Variants in ZNF215 observed in about 807,000 individuals in gnomAD.
ZNF215 encodes the protein zinc finger protein 215, also known as BWSCR2-associated zinc finger protein 2.
A neutral mutation model predicts 27.2 loss-of-function variants in ZNF215; 24 were observed. That is an observed-to-expected ratio of 0.88 (90% CI 0.64 to 1.24). ZNF215 has a LOEUF of 1.24. ZNF215 is among the 50% of genes most tolerant of loss of function. ZNF215 has a pLI of 0.00. For synonymous variants in ZNF215, 210 were observed against 204.0 expected (o/e 1.03, Z -0.25); for missense variants, 675 against 605.7 (o/e 1.11, Z -1.20).
rs752732228 is a variant in ZNF215, at chr11:6,943,128, G to T, written c.529G>T (p.Glu177Ter). ...TGTGGTTGTGGAATTCAGCAAGGAA[G>T]AGTGGGGGCAACTGGACTCTGCTGT... ...KDVVVEFSKE[E>*]WGQLDSAVKN... Residue 177 changes from glutamate to a stop codon, truncating the protein, a stop_gained, in exon 5 of 7, where the codon GAG (glutamate) becomes TAG (stop). Coordinates refer to ENST00000278319, the MANE Select transcript of ZNF215 (RefSeq NM_013250.4). LOFTEE classifies it high-confidence loss of function. 2 of 1,614,054 alleles carry T rather than the reference G, an allele frequency of 1.2e-6. No homozygotes were observed. Among genetic ancestry groups the T allele is most frequent in the East Asian group, 4.5e-5 (2 of 44,880 alleles).
chr11:6,928,642 G>A (rs927363669), intron 2 of ZNF215, among the ~76,000 whole-genome samples: 1 of 152,082 alleles, frequency 6.6e-6, no homozygotes, highest in Non-Finnish European at 1.5e-5. Flanking sequence ...TACATTTATT[G>A]TTGCAATTAA....
At position 6,980,156 on chromosome 11, in the gene ZNF215, T is replaced by TATGC. The variant is rs1276916299; in HGVS notation, c.806-3972_806-3969dup. On this transcript the variant is annotated intron_variant, in intron 5 of 5. Transcript: ENST00000529903. Reference sequence around the variant, plus strand: ...TAACAAATCCCAGAAGCTATGTATGTATGCCTTTTGTGTTTGTTAAAATTA... The same window carrying TATGC: ...TAACAAATCCCAGAAGCTATGTATGTATGCATGCCTTTTGTGTTTGTTAAAATTA... Among the ~76,000 whole-genome samples the TATGC allele has an allele frequency of 3.3e-5, 5 of 152,120 alleles. No individual in the cohort carries two copies. The East Asian group carries it at 9.6e-4, about 29-fold the overall frequency.
intron 5 of ZNF215, among the ~76,000 whole-genome samples, chr11:6,975,956 A>G (rs980445015): frequency 6.6e-6 from 1 of 152,134 alleles, no homozygotes; most frequent in African/African-American, 2.4e-5. Context: ...ACTAATTTAC[A>G]TTCCCATCAA....
At chr11:6,939,191 G>A (rs1192345726) in intron 3 of ZNF215, among the ~76,000 whole-genome samples, 1 of 152,192 alleles carries the variant, frequency 6.6e-6, no homozygotes, top group Non-Finnish European at 1.5e-5. Context: ...AGATAAGAAA[G>A]TCAAAGGTCT....
intron 6 of ZNF215, among the ~76,000 whole-genome samples, chr11:6,949,068 G>C (rs1301500335): frequency 6.6e-6 from 1 of 150,874 alleles, no homozygotes; most frequent in East Asian, 1.9e-4. Context: ...TCCCTACAAA[G>C]GACATGAACT....
At chr11:6,938,819 T>C (rs1049740740) in intron 3 of ZNF215, among the ~76,000 whole-genome samples, 1 of 152,172 alleles carries the variant, frequency 6.6e-6, no homozygotes, top group African/African-American at 2.4e-5. Flanking sequence ...GTGGTGATCA[T>C]TGTACAACAT....
intron 2 of ZNF215, among the ~76,000 whole-genome samples, chr11:6,929,330 A>G (rs1849172771): frequency 1.3e-5 from 2 of 152,246 alleles, no homozygotes; most frequent in African/African-American, 4.8e-5. Flanking sequence ...TATTAGTAAC[A>G]TTTTGTATTA....
chr11:6,962,187 G>A (rs781533582), downstream of ZNF215, among the ~76,000 whole-genome samples: 2 of 152,154 alleles, frequency 1.3e-5, no homozygotes, highest in Non-Finnish European at 2.9e-5. Flanking sequence ...CCTTAGGCCT[G>A]AAAAGGCAAG....
At chr11:6,963,526 C>CA (rs1850559248) in intron 5 of ZNF215, among the ~76,000 whole-genome samples, 1 of 151,932 alleles carries the variant, frequency 6.6e-6, no homozygotes, top group South Asian at 2.1e-4. Flanking sequence ...AGGAATAACT[C>CA]ATTCATTCAC....
At chr11:6,982,489 T>C (rs936358051) in intron 5 of ZNF215, among the ~76,000 whole-genome samples, 2 of 152,082 alleles carry the variant, frequency 1.3e-5, no homozygotes, top group Non-Finnish European at 2.9e-5. Context: ...TATTCCAAAA[T>C]TGACCACATA....
At chr11:6,980,043 A>G (rs1281184529) in intron 5 of ZNF215, among the ~76,000 whole-genome samples, 5 of 152,130 alleles carry the variant, frequency 3.3e-5, no homozygotes, top group Non-Finnish European at 4.4e-5. Flanking sequence ...TTTAAACGCT[A>G]AAAATGAGGT....
chr11:6,966,275 C>T (rs1369724715), intron 5 of ZNF215, among the ~76,000 whole-genome samples: 1 of 151,972 alleles, frequency 6.6e-6, no homozygotes, highest in Non-Finnish European at 1.5e-5. Flanking sequence ...CCAAATACCG[C>T]ATGAGTACAC....
chr11:6,984,112 A>T (rs1851014766), intron 5 of ZNF215: 63 of 362,760 alleles, frequency 1.7e-4, no homozygotes, highest in South Asian at 2.8e-4. Context: ...TGTCCCTTAA[A>T]TTTTTTTTTT....
At chr11:6,984,001 T>C in intron 5 of ZNF215, 1 of 273,740 alleles carries the variant, frequency 3.7e-6, no homozygotes, top group Non-Finnish European at 7.1e-6. Flanking sequence ...TAAAACATGA[T>C]AGTACTCAGT....
intron 5 of ZNF215, among the ~76,000 whole-genome samples, chr11:6,973,208 C>T (rs569738300): frequency 8.9e-4 from 136 of 152,214 alleles, no homozygotes; most frequent in Non-Finnish European, 1.6e-3. Context: ...CATCCATGTC[C>T]CTACAAAGGA....
chr11:6,988,869 C>T (rs1056228610), downstream of ZNF215: 1 of 152,032 alleles, frequency 6.6e-6, no homozygotes, highest in Non-Finnish European at 1.5e-5. Flanking sequence ...CTATAATCCT[C>T]TTAAGAATCT....
At chr11:6,981,980 G>T (rs939840251) in intron 5 of ZNF215, among the ~76,000 whole-genome samples, 24 of 152,192 alleles carry the variant, frequency 1.6e-4, no homozygotes, top group African/African-American at 5.3e-4. Flanking sequence ...CTCTGGTTTG[G>T]TACCAGTACC....
Position 6,967,146 on chromosome 11 carries a change from T to C in ZNF215, c.805+11364T>C, listed in dbSNP as rs187717975. 3.0e-4 allele frequency among the ~76,000 whole-genome samples: 45 copies of C among 152,318 alleles called. No homozygotes were observed. In the East Asian group the frequency reaches 7.3e-3, roughly 25 times the overall value. On this transcript the variant is annotated intron_variant, in intron 5 of 5. Transcript: ENST00000529903. ...CCCTGCAAAGGACATAAACTCATCC[T>C]TTTTTATGGCTGCATAGTATTCCAT...
rs1590074005 is a variant in ZNF215 at position 6,957,077 on chromosome 11, T to C, written c.*546T>C. The C allele has an allele frequency of 2.0e-6, 2 of 985,778 alleles. No individual in the cohort carries two copies. Among genetic ancestry groups the C allele is most frequent in the East Asian group, 1.1e-4 (1 of 8,826 alleles). 61.1% of individuals were successfully genotyped at this position (985,778 alleles called of 1,614,324 possible). On this transcript the variant is annotated 3_prime_UTR_variant, in exon 7 of 7. Coordinates refer to ENST00000278319, the MANE Select transcript of ZNF215 (RefSeq NM_013250.4). Reference sequence around the variant, plus strand: ...GACAATACCCTTTGTTGTCTTGCTGTTGAATGGAGACTAGAGTTGGGAAAG... The same window carrying C: ...GACAATACCCTTTGTTGTCTTGCTGCTGAATGGAGACTAGAGTTGGGAAAG...
Sources: gnomAD v4.1 joint callset for allele counts (sites outside exome capture counted in the v4.1 genomes callset) on GRCh38, gnomAD v4.1.1 for gene constraint, MANE v1.5 for transcripts, NCBI Gene and HGNC (gene_info 2026-07-23, HGNC 2026-07-21) for gene names.